FBXO24: variants seen among roughly 807,000 people sequenced by gnomAD.
The protein encoded by FBXO24 is F-box protein 24, also known as F-box only protein 24.
In FBXO24, 30 loss-of-function variants were observed where a neutral mutation model predicts 63.5. The ratio of observed to expected loss-of-function variants is 0.47; its 90% CI spans 0.35 to 0.64. FBXO24 has a LOEUF of 0.64. Among genes scored for constraint, FBXO24 ranks in the 30% least tolerant of loss-of-function variants. The probability of loss-of-function intolerance (pLI) is 0.00; values close to 1 mark genes in which losing one functional copy is unlikely to be tolerated. For synonymous variants in FBXO24, 300 were observed against 305.0 expected, an observed-to-expected ratio of 0.98 and a Z score of 0.17; for missense variants, 624 against 763.4, an observed-to-expected ratio of 0.82 and a Z score of 2.15.
At position 100,600,613 on chromosome 7, in the gene FBXO24, C is replaced by T; in HGVS notation, c.1457C>T (p.Ala486Val). Residue 486 changes from alanine (A) to valine (V), a missense_variant, in exon 10 of 10, where the codon GCC (alanine) becomes GTC (valine). Around this residue, in one of 3 missense-constraint regions of FBXO24, gnomAD observed 216 missense variants for 245.2 expected, o/e 0.88. Coordinates refer to ENST00000241071, the MANE Select transcript of FBXO24 (RefSeq NM_033506.3). The surrounding 1 kb of genome is among the most constrained non-coding windows in gnomAD (Gnocchi z 6.3). ...TCCAGCCACGACATTGAGCAGCACG[C>T]CCCCTATCGCCACCTGCCAGCCAGC... is the stretch of plus-strand genomic sequence containing the variant. ...ILSSHDIEQH[A>V]PYRHLPASRV... is the part of the protein sequence containing the mutation. 1 of 1,613,354 alleles carries T rather than the reference C, an allele frequency of 6.2e-7. No individual in the cohort carries two copies. The highest frequency in any genetic ancestry group is 8.5e-7 in the Non-Finnish European group (1 of 1,179,566).
Position 100,594,805 on chromosome 7 carries a change from C to G in FBXO24, c.952+264C>G, listed in dbSNP as rs1279557190. Among the ~76,000 whole-genome samples, 1 of 152,114 alleles carries G rather than the reference C, an allele frequency of 6.6e-6. No individual in the cohort carries two copies. The highest frequency in any genetic ancestry group is 6.6e-5 in the Admixed American group (1 of 15,260). ...ATCTCTACTAAAATACAAAAATTAG[C>G]TGGGTGTGATGGCAGGCGCCTGTAA... On this transcript the variant is annotated intron_variant, in intron 6 of 9. Coordinates refer to ENST00000241071, the MANE Select transcript of FBXO24 (RefSeq NM_033506.3). The surrounding 1 kb of genome is among the most constrained non-coding windows in gnomAD (Gnocchi z 4.2).
Position 100,594,290 on chromosome 7 carries a change from A to G in FBXO24, c.794-93A>G. ...TCTCAGCCCCACTCTAGGGCAGTAA[A>G]TGTGTCACCCATATGGCCTAGGGAG... On this transcript the variant is annotated intron_variant, in intron 5 of 9. Coordinates refer to ENST00000241071, the MANE Select transcript of FBXO24 (RefSeq NM_033506.3). This position sits in a 1 kb window ranked among gnomAD's most constrained non-coding sequence, Gnocchi z 4.2. 7.1e-6 allele frequency: 10 copies of G among 1,413,628 alleles called. No individual in the cohort carries two copies. In the South Asian group the frequency reaches 1.3e-4, roughly 18 times the overall value. The allele number at this position is 1,413,628 out of a possible 1,614,324, so 87.6% of individuals were successfully genotyped here.
intron 1 of FBXO24, 28 bp from the exon 2 acceptor site, chr7:100,589,949 G>A (rs1035916828): frequency 4.6e-5 from 73 of 1,603,570 alleles, no homozygotes; most frequent in Non-Finnish European, 5.9e-5. Context: ...GGACCCTCAT[G>A]GGACCCTATG....
rs1461019660 is a variant in FBXO24 at position 100,586,350 on chromosome 7, G to A, written c.-276G>A. ...GATAGAGCGCTCGCCAACGGCCGACGCTCCAGGCCGTCCCGCCCAGCGCAG... is the reference window on the plus strand; with the variant it reads ...GATAGAGCGCTCGCCAACGGCCGACACTCCAGGCCGTCCCGCCCAGCGCAG... On this transcript the variant is annotated 5_prime_UTR_variant, in exon 1 of 10. Transcript: ENST00000241071. 3.1e-6 allele frequency: 2 copies of A among 643,280 alleles called. No homozygotes were observed. Among genetic ancestry groups the A allele is most frequent in the Non-Finnish European group, 5.3e-6 (2 of 376,658 alleles). 39.8% of individuals were successfully genotyped at this position (643,280 alleles called of 1,614,324 possible). A position where few individuals can be genotyped will look rare whatever the true frequency, so the allele number is the denominator to read the frequency against.
At chr7:100,590,878 A>C (rs975370512) in intron 3 of FBXO24, among the ~76,000 whole-genome samples, 4 of 152,116 alleles carry the variant, frequency 2.6e-5, no homozygotes, top group Admixed American at 2.6e-4. Flanking sequence ...GGGATCCCCC[A>C]GGGTGTACTT....
chr7:100,591,855 T>C lies in FBXO24; in HGVS notation c.511T>C (p.Trp171Arg), dbSNP rs1802048359. 1.2e-6 allele frequency: 2 copies of C among 1,614,210 alleles called. No homozygotes were observed. The highest frequency in any genetic ancestry group is 1.3e-5 in the African/African-American group (1 of 75,062). The change falls in exon 4 of 10, where the codon TGG (tryptophan) becomes CGG (arginine). Residue 171 changes from tryptophan to arginine, a missense_variant. Transcript: ENST00000241071. ...ALVSTLGQMQ[W>R]KRACRYVVLC... ...GGTCTCCACCCTCGGCCAGATGCAG[T>C]GGAAGCGGGCCTGTCGCTATGTTGT... is the stretch of plus-strand genomic sequence containing the variant.
In FBXO24 at chr7:100,590,091, G is replaced by A. The variant is rs978778552; in HGVS notation, c.138+16G>A. 2 of 1,610,942 alleles carry A rather than the reference G, an allele frequency of 1.2e-6. No individual in the cohort carries two copies. The highest frequency in any genetic ancestry group is 1.7e-6 in the Non-Finnish European group (2 of 1,178,082). ...CCCAGAGCTGGTGAGTCCTTGGGGA[G>A]GGGGATTGAGAATAATAGGATTGGG... On this transcript the variant is annotated intron_variant, in intron 2 of 9. Transcript: ENST00000241071.
At chr7:100,590,531 C>G (rs1456095070) in intron 3 of FBXO24, among the ~76,000 whole-genome samples, 174 bp downstream of exon 3, 1 of 152,202 alleles carries the variant, frequency 6.6e-6, no homozygotes, top group African/African-American at 2.4e-5. Flanking sequence ...TCCAAGTCTT[C>G]GGAATCCACC....
chr7:100,591,886 G>C lies in FBXO24; in HGVS notation c.542G>C (p.Cys181Ser). The stretch of plus-strand genomic sequence containing the variant: ...CGGGCCTGTCGCTATGTTGTGTTGT[G>C]TCGTGGAGCCAAGGATGTGAGTAGC... Reference protein sequence around the residue: ...WKRACRYVVLCRGAKDFASDP... With the variant: ...WKRACRYVVLSRGAKDFASDP... Residue 181 changes from cysteine (C) to serine (S), a missense_variant, in exon 4 of 10, where the codon TGT (cysteine) becomes TCT (serine). Cys to Ser is a moderately radical substitution (Grantham distance 112). Transcript: ENST00000241071. 6.2e-7 allele frequency: 1 copy of C among 1,614,214 alleles called. No homozygotes were observed. Among genetic ancestry groups the C allele is most frequent in the Non-Finnish European group, 8.5e-7 (1 of 1,180,036 alleles).
chr7:100,591,645 TC>T, intron 3 of FBXO24, 21 bp from the exon 4 acceptor site: 1 of 1,610,282 alleles, frequency 6.2e-7, no homozygotes, highest in Non-Finnish European at 8.5e-7. Context: ...CCTTGAACCT[TC>T]CATCTCCTTC....
rs961990981 is a variant in FBXO24 at position 100,586,472 on chromosome 7, GAGGGACCGCAAGC to G, written c.-149_-137del. On this transcript the variant is annotated 5_prime_UTR_variant, in exon 1 of 10. The change abolishes the stop of an existing upstream ORF in the 5' untranslated region. Coordinates refer to ENST00000241071, the MANE Select transcript of FBXO24 (RefSeq NM_033506.3). Reference sequence around the variant, plus strand: ...CACTCCACTAGCAGGAAAACGGGCCGAGGGACCGCAAGCAGGGGGTGCCTAGTCCTCGTCCCCC... The same window carrying G: ...CACTCCACTAGCAGGAAAACGGGCCGAGGGGGTGCCTAGTCCTCGTCCCCC... The G allele has an allele frequency of 1.3e-6, 1 of 785,908 alleles. No individual in the cohort carries two copies. The highest frequency in any genetic ancestry group is 2.1e-6 in the Non-Finnish European group (1 of 469,366). The allele number at this position is 785,908 out of a possible 1,614,324, so 48.7% of individuals were successfully genotyped here.
intron 4 of FBXO24, 53 bp from the exon 5 acceptor site, chr7:100,592,730 C>A: frequency 6.9e-7 from 1 of 1,443,558 alleles, no homozygotes. Flanking sequence ...GCTGCCCCAG[C>A]CCCATCCCAT....
At chr7:100,589,776 C>T (rs377517362) in intron 1 of FBXO24, 37 of 1,535,092 alleles carry the variant, frequency 2.4e-5, no homozygotes, top group Middle Eastern at 3.4e-4. Flanking sequence ...GCTGTGTGGA[C>T]GGGAGGAGGG....
intron 8 of FBXO24, among the ~76,000 whole-genome samples, chr7:100,596,207 A>T (rs903592207): frequency 1.3e-5 from 2 of 152,138 alleles, no homozygotes; most frequent in African/African-American, 4.8e-5. Context: ...TGAACCTGGG[A>T]GGCTGAGGTT....
chr7:100,591,639 G>C, intron 3 of FBXO24, 28 bp from the exon 4 acceptor site: 1 of 1,607,212 alleles, frequency 6.2e-7, no homozygotes, highest in Non-Finnish European at 8.5e-7. Context: ...CTCATCCCTT[G>C]AACCTTCCAT....
intron 8 of FBXO24, chr7:100,599,724 C>A: frequency 3.1e-6 from 1 of 324,266 alleles, no homozygotes; most frequent in South Asian, 3.8e-5. Context: ...GGATGAGAGG[C>A]TGGACTGGCA....
rs1488065163 is a variant in FBXO24, at chr7:100,591,752, CCG to C, written c.410_411del (p.Arg137ProfsTer13). On this transcript the variant is annotated frameshift_variant, in exon 4 of 10. Transcript: ENST00000241071. LOFTEE classifies it high-confidence loss of function. ...SVAPLLAHGY[R>X]RFLPTKDHVF... is the part of the protein sequence containing the mutation. ...TGGCCCCCTTGCTAGCCCACGGCTA[CCG>C]CCGCTTCTTGCCCACCAAGGATCAC... 2 of 1,614,228 alleles carry C rather than the reference CCG, an allele frequency of 1.2e-6. No homozygotes were observed. The highest frequency in any genetic ancestry group is 1.7e-6 in the Non-Finnish European group (2 of 1,180,028).
At chr7:100,589,872 A>AAT (rs1801921435) in intron 1 of FBXO24, 105 bp from the exon 2 acceptor site, 1 of 1,548,570 alleles carries the variant, frequency 6.5e-7, no homozygotes, top group Admixed American at 1.9e-5. Context: ...GAGGGGAGGA[A>AAT]ATAACTGTGC....
chr7:100,592,383 C>T (rs527801122), intron 4 of FBXO24: 5 of 250,914 alleles, frequency 2.0e-5, no homozygotes, highest in Middle Eastern at 1.5e-3. Context: ...GAAAGAGGCA[C>T]GTCTTACATG....
Sources: allele counts gnomAD v4.1 joint callset (sites outside exome capture counted in the v4.1 genomes callset), GRCh38; gene constraint gnomAD v4.1.1; regional missense constraint gnomAD v4.1.1; non-coding constraint Gnocchi (gnomAD v3.1); transcripts MANE v1.5; gene names NCBI Gene and HGNC (gene_info 2026-07-23, HGNC 2026-07-21).